The following TTC9C variants were observed in gnomAD, a reference collection of about 807,000 sequenced individuals.
The protein encoded by TTC9C is tetratricopeptide repeat protein 9C.
TTC9C carries 15 observed loss-of-function variants against 22.5 expected under a neutral mutation model. The ratio of observed to expected loss-of-function variants is 0.67; its 90% CI spans 0.45 to 1.03. The LOEUF is 1.03. Among genes scored for constraint, TTC9C ranks in the 50% least tolerant of loss-of-function variants. The probability of loss-of-function intolerance (pLI) is 0.00; values close to 1 mark genes in which losing one functional copy is unlikely to be tolerated. For missense variants in TTC9C, 244 were observed against 214.6 expected (o/e 1.14, Z -0.86); for synonymous variants, 92 against 86.8 (o/e 1.06, Z -0.33).
intron 1 of TTC9C, chr11:62,733,070 A>G (rs1238258891): frequency 2.6e-6 from 3 of 1,150,776 alleles, no homozygotes; most frequent in Non-Finnish European, 3.5e-6. Flanking sequence ...CTGATTCTTG[A>G]TCTTTCTCAG....
intron 2 of TTC9C, among the ~76,000 whole-genome samples, chr11:62,737,372 G>C (rs138238039): frequency 6.6e-6 from 1 of 152,092 alleles, no homozygotes; most frequent in African/African-American, 2.4e-5. Context: ...CTAGAAAAAG[G>C]GCAGTCCTGC....
At chr11:62,729,393 TTTTA>T (rs2083817685) in intron 1 of TTC9C, among the ~76,000 whole-genome samples, 1 of 138,164 alleles carries the variant, frequency 7.2e-6, no homozygotes, top group Non-Finnish European at 1.6e-5. Flanking sequence ...TTTTATTTTA[TTTTA>T]TTTTATTTTA....
intron 2 of TTC9C, among the ~76,000 whole-genome samples, chr11:62,738,079 A>G (rs2083931584): frequency 6.7e-6 from 1 of 148,698 alleles, no homozygotes; most frequent in Non-Finnish European, 1.5e-5. Flanking sequence ...AATAAATAAA[A>G]ATTAGCAGCC....
Position 62,728,970 on chromosome 11 carries a change from T to G in TTC9C, c.122T>G (p.Leu41Arg). 1 of 1,614,166 alleles carries G rather than the reference T, an allele frequency of 6.2e-7. No individual in the cohort carries two copies. The highest frequency in any genetic ancestry group is 8.5e-7 in the Non-Finnish European group (1 of 1,180,040). Residue 41 changes from leucine (L) to arginine (R), a missense_variant, in exon 1 of 3, where the codon CTG becomes CGG. By Grantham distance (102) the Leu-to-Arg change is moderately radical. Transcript: ENST00000316461. ...CGAGCTCTGCTTCAGCTGCGGGGTC[T>G]GGATCCGAGTCTGCCCTCTCCGTTA... ...YHRALLQLRG[L>R]DPSLPSPLPN...
At position 62,733,237 on chromosome 11, in the gene TTC9C, A is replaced by C. The variant is rs571688962; in HGVS notation, c.239-2145A>C. 4.2e-5 allele frequency: 48 copies of C among 1,147,066 alleles called. No individual in the cohort carries two copies. The South Asian group carries it at 6.8e-4, about 16-fold the overall frequency. 71.1% of individuals were successfully genotyped at this position (1,147,066 alleles called of 1,614,324 possible). A position where few individuals can be genotyped will look rare whatever the true frequency, so the allele number is the denominator to read the frequency against. Reference sequence around the variant, plus strand: ...AGGTCCCATTAAGTCATCCAAGAGAATAGTGAAGTTATATGCTGTATTGTT... The same window carrying C: ...AGGTCCCATTAAGTCATCCAAGAGACTAGTGAAGTTATATGCTGTATTGTT... On this transcript the variant is annotated intron_variant, in intron 1 of 2. Transcript: ENST00000316461.
chr11:62,738,238 G>A (rs1234687816), intron 2 of TTC9C, 50 bp from the exon 3 acceptor site: 1 of 1,190,818 alleles, frequency 8.4e-7, no homozygotes, highest in Admixed American at 1.8e-5. Flanking sequence ...TATGATTATG[G>A]TCTTAACTGA....
At chr11:62,735,339 C>G (rs963391049) in intron 1 of TTC9C, 43 bp from the exon 2 acceptor site, 7 of 1,599,784 alleles carry the variant, frequency 4.4e-6, no homozygotes, top group Admixed American at 3.4e-5. Flanking sequence ...CCTGGTGTAA[C>G]GAGCCCCTCC....
chr11:62,735,538 T>C lies in TTC9C; in HGVS notation c.395T>C (p.Leu132Pro). ...QDYDQARHYL[L>P]AAVNRQPKDA... ...TATGACCAGGCCCGCCACTACCTCC[T>C]GGCTGCCGTGAATAGGCAGCCTAAA... The change falls in exon 2 of 3, where the codon CTG (leucine) becomes CCG (proline). Residue 132 changes from leucine to proline, a missense_variant. Coordinates refer to ENST00000316461, the MANE Select transcript of TTC9C (RefSeq NM_173810.4). 6.2e-7 allele frequency: 1 copy of C among 1,613,652 alleles called. No homozygotes were observed. Among genetic ancestry groups the C allele is most frequent in the Non-Finnish European group, 8.5e-7 (1 of 1,179,656 alleles).
intron 1 of TTC9C, chr11:62,733,185 T>C: frequency 7.8e-7 from 1 of 1,285,578 alleles, no homozygotes; most frequent in Non-Finnish European, 1.0e-6. Context: ...ATTGCCTGAA[T>C]TGACTCCTCT....
rs774563630 is a variant in TTC9C, at chr11:62,729,025, C to G, written c.177C>G (p.Leu59=). The change falls in exon 1 of 3, where the codon CTC becomes CTG. Residue 59 remains leucine (L), a synonymous_variant. Transcript: ENST00000316461. ...ATCTCGGACCTCAGGGCCCGGCCCT[C>G]ACGCCTGAACAAGAAAACATATTGC... ...LPNLGPQGPA[L]TPEQENILHT... The G allele has an allele frequency of 6.2e-7, 1 of 1,614,050 alleles. No homozygotes were observed. The highest frequency in any genetic ancestry group is 1.3e-5 in the African/African-American group (1 of 74,920).
intron 1 of TTC9C, chr11:62,733,230 C>G (rs2083872900): frequency 1.7e-6 from 2 of 1,187,734 alleles, no homozygotes; most frequent in Non-Finnish European, 2.2e-6. Flanking sequence ...TTAAGTCATC[C>G]AAGAGAATAG....
At chr11:62,730,080 C>T (rs1056828708) in intron 1 of TTC9C, among the ~76,000 whole-genome samples, 2 of 151,822 alleles carry the variant, frequency 1.3e-5, no homozygotes, top group South Asian at 4.2e-4. Flanking sequence ...TTTTCTTTTC[C>T]TTTTTCTTTT....
chr11:62,730,996 C>T (rs1164663487), intron 1 of TTC9C, among the ~76,000 whole-genome samples: 2 of 152,062 alleles, frequency 1.3e-5, no homozygotes, highest in Admixed American at 1.3e-4. Context: ...TCAAGCGATT[C>T]TCCTGCCTCA....
chr11:62,730,575 C>G (rs1429855950), intron 1 of TTC9C, among the ~76,000 whole-genome samples: 2 of 151,850 alleles, frequency 1.3e-5, no homozygotes, highest in African/African-American at 4.8e-5. Context: ...CACCAACTAG[C>G]TCTTTTATTT....
At chr11:62,728,382 GAGTT>G (rs950421352), upstream of TTC9C, 25 of 377,256 alleles carry the variant, frequency 6.6e-5, no homozygotes, top group African/African-American at 5.1e-4. Flanking sequence ...TAAGGAAGAA[GAGTT>G]AGAATTGCTT....
chr11:62,730,755 T>C (rs1264045705), intron 1 of TTC9C, among the ~76,000 whole-genome samples: 2 of 151,950 alleles, frequency 1.3e-5, no homozygotes, highest in African/African-American at 4.8e-5. Context: ...GTATTTTTAG[T>C]AGAGATGGGA....
Position 62,738,606 on chromosome 11 carries a change from T to C in TTC9C, c.*224T>C. ...TCAATACATGTTATTGTTGCAGATA[T>C]TTGGCTTGAGAAATATAATCAGAAA... On this transcript the variant is annotated 3_prime_UTR_variant, in exon 3 of 3. Transcript: ENST00000316461. The C allele has an allele frequency of 2.4e-6, 1 of 409,628 alleles. No individual in the cohort carries two copies. The highest frequency in any genetic ancestry group is 4.1e-5 in the Admixed American group (1 of 24,650). The allele number at this position is 409,628 out of a possible 1,614,324, so 25.4% of individuals were successfully genotyped here.
rs1380365101 is a variant in TTC9C at position 62,728,810 on chromosome 11, C to T, written c.-39C>T. 1.2e-6 allele frequency: 2 copies of T among 1,606,190 alleles called. No individual in the cohort carries two copies. Among genetic ancestry groups the T allele is most frequent in the African/African-American group, 2.7e-5 (2 of 74,778 alleles). ...CCCAACCCCAGAGCTTCACTTGCTC[C>T]TTCACTTCCCAGTTCCGCAAGAACC... On this transcript the variant is annotated 5_prime_UTR_variant, in exon 1 of 3. Coordinates refer to ENST00000316461, the MANE Select transcript of TTC9C (RefSeq NM_173810.4).
intron 1 of TTC9C, among the ~76,000 whole-genome samples, chr11:62,734,059 G>A (rs1361788837): frequency 6.6e-6 from 1 of 151,924 alleles, no homozygotes. Context: ...AGTACATTGG[G>A]AGGCTGAGGC....
Sources: gnomAD v4.1 joint callset for allele counts (sites outside exome capture counted in the v4.1 genomes callset) on GRCh38, gnomAD v4.1.1 for gene constraint, MANE v1.5 for transcripts, NCBI Gene and HGNC (gene_info 2026-07-23, HGNC 2026-07-21) for gene names.